The following WFDC8 variants were observed in gnomAD, a reference collection of about 807,000 sequenced individuals.
WFDC8 encodes the protein WAP four-disulfide core domain 8, also known as WAP four-disulfide core domain protein 8.
In WFDC8, 24 loss-of-function variants were observed where a neutral mutation model predicts 27.0. The ratio of observed to expected loss-of-function variants is 0.89; its 90% CI spans 0.64 to 1.25. The LOEUF (loss-of-function observed/expected upper bound fraction) is 1.25. Ranked by LOEUF, WFDC8 falls within the 50% of genes most tolerant of loss-of-function variation. The pLI is 0.00. For synonymous variants in WFDC8, 106 were observed against 99.7 expected (o/e 1.06, Z -0.38); for missense variants, 287 against 295.9 (o/e 0.97, Z 0.22).
chr20:45,566,468 C>T (rs1980680880), intron 1 of WFDC8, among the ~76,000 whole-genome samples: 2 of 152,114 alleles, frequency 1.3e-5, no homozygotes. Flanking sequence ...TCAAGACCAG[C>T]TTACCCAACA....
At chr20:45,578,927 T>G (rs1018084707) in intron 1 of WFDC8, among the ~76,000 whole-genome samples, 3 of 152,090 alleles carry the variant, frequency 2.0e-5, no homozygotes, top group Non-Finnish European at 4.4e-5. Context: ...GCCAACATGG[T>G]GAAACCCCGT....
chr20:45,561,272 G>A (rs543097584), intron 2 of WFDC8, among the ~76,000 whole-genome samples: 13 of 152,026 alleles, frequency 8.6e-5, no homozygotes, highest in East Asian at 5.8e-4. Context: ...TCGTTCCCAC[G>A]ATCCCAACTA....
In WFDC8 at chr20:45,552,152, G is replaced by A. The variant is rs1310586080; in HGVS notation, c.600C>T (p.Phe200=). The A allele has an allele frequency of 3.1e-6, 5 of 1,613,814 alleles. No individual in the cohort carries two copies. The highest frequency in any genetic ancestry group is 3.4e-6 in the Non-Finnish European group (4 of 1,179,882). Residue 200 remains phenylalanine (F), a synonymous_variant, in exon 6 of 6, where the codon TTC becomes TTT. Coordinates refer to ENST00000289953, the MANE Select transcript of WFDC8 (RefSeq NM_130896.3). ...CARAWTVKKG[F]CPRKPLLCTK... is the part of the protein sequence containing the mutation. The stretch of plus-strand genomic sequence containing the variant: ...TACATAGCAAGGGCTTGCGTGGGCA[G>A]AAACCTTTTTTGACTTTATGGGGTA...
chr20:45,566,673 A>T (rs1298758790), intron 1 of WFDC8, among the ~76,000 whole-genome samples: 2 of 152,190 alleles, frequency 1.3e-5, no homozygotes, highest in Admixed American at 6.5e-5. Context: ...AAAAACAAAA[A>T]ACAAAAAATA....
chr20:45,559,104 T>G, intron 2 of WFDC8, 112 bp from the exon 3 acceptor site: 1 of 1,364,064 alleles, frequency 7.3e-7, no homozygotes, highest in Non-Finnish European at 1.0e-6. Context: ...CCTTCGATTC[T>G]TAGTTCTTGC....
intron 5 of WFDC8, among the ~76,000 whole-genome samples, chr20:45,552,535 C>A (rs1477404307): frequency 6.6e-6 from 1 of 152,142 alleles, no homozygotes; most frequent in East Asian, 1.9e-4. Context: ...AAATGAGTTG[C>A]CCAATGCCAC....
intron 1 of WFDC8, among the ~76,000 whole-genome samples, chr20:45,578,054 A>G (rs1257344038): frequency 1.3e-5 from 2 of 151,006 alleles, no homozygotes; most frequent in African/African-American, 4.8e-5. Flanking sequence ...TAAATAAAGT[A>G]TGTAGAGTTT....
chr20:45,575,160 G>A (rs901812875), intron 1 of WFDC8, among the ~76,000 whole-genome samples: 3 of 152,152 alleles, frequency 2.0e-5, no homozygotes, highest in Non-Finnish European at 4.4e-5. Context: ...AGTACTGAAA[G>A]TCCTGGCCAG....
intron 1 of WFDC8, among the ~76,000 whole-genome samples, chr20:45,574,281 T>C (rs1209360156): frequency 6.6e-6 from 1 of 152,126 alleles, no homozygotes; most frequent in African/African-American, 2.4e-5. Context: ...ACCAAACATT[T>C]AAAGAACTAA....
In WFDC8 at chr20:45,553,142, A is replaced by G. The variant is rs1430642341; in HGVS notation, c.580T>C (p.Trp194Arg). 1 of 1,612,380 alleles carries G rather than the reference A, an allele frequency of 6.2e-7. No homozygotes were observed. Among genetic ancestry groups the G allele is most frequent in the Non-Finnish European group, 8.5e-7 (1 of 1,179,334 alleles). ...SRCGFVCARA[W>R]TVKKGFCPRK... The stretch of plus-strand genomic sequence containing the variant: ...GTATATCCCCAATCCTTACCTGTCC[A>G]GGCCCTGGCACAAACAAAGCCACAC... Residue 194 changes from tryptophan to arginine, a missense_variant, in exon 5 of 6, where the codon TGG becomes CGG. Coordinates refer to ENST00000289953, the MANE Select transcript of WFDC8 (RefSeq NM_130896.3).
chr20:45,565,014 GAGAA>G (rs371516760), intron 1 of WFDC8, among the ~76,000 whole-genome samples: 93 of 88,068 alleles, frequency 1.1e-3, no homozygotes, highest in African/African-American at 2.1e-3. Context: ...AAGAAAGAAA[GAGAA>G]AGAAAGGAAG....
intron 4 of WFDC8, 37 bp from the exon 5 acceptor site, chr20:45,553,313 A>G: frequency 2.5e-6 from 4 of 1,587,574 alleles, no homozygotes; most frequent in Non-Finnish European, 3.4e-6. Flanking sequence ...TTAAAACCCC[A>G]CCCCCATCCC....
chr20:45,564,584 C>G (rs57700915), intron 1 of WFDC8, among the ~76,000 whole-genome samples: 58,143 of 150,920 alleles, frequency 0.39, 11,613 homozygotes, highest in Non-Finnish European at 0.43. Flanking sequence ...TGAGGCAGGA[C>G]AATGGCGTGA....
intron 2 of WFDC8, chr20:45,559,966 T>TTG (rs1568637584): frequency 2.0e-5 from 3 of 151,646 alleles, no homozygotes; most frequent in African/African-American, 7.3e-5. Context: ...TCCCATCTTC[T>TTG]GATTATTGAA....
In WFDC8 at chr20:45,552,189, T is replaced by C. The variant is rs559653736; in HGVS notation, c.587-24A>G. On this transcript the variant is annotated intron_variant, in intron 5 of 5. Coordinates refer to ENST00000289953, the MANE Select transcript of WFDC8 (RefSeq NM_130896.3). ...GACTTTATGGGGTAAAAGAAAACACTTGACCTTGAAATACTTGGTCATAAT... is the reference window on the plus strand; with the variant it reads ...GACTTTATGGGGTAAAAGAAAACACCTGACCTTGAAATACTTGGTCATAAT... 5.6e-6 allele frequency: 9 copies of C among 1,609,166 alleles called. No homozygotes were observed. The Admixed American group carries it at 6.8e-5, about 12-fold the overall frequency.
chr20:45,571,784 T>C (rs1289899874), intron 1 of WFDC8, among the ~76,000 whole-genome samples: 1 of 152,228 alleles, frequency 6.6e-6, no homozygotes, highest in South Asian at 2.1e-4. Context: ...TTCATCTTCA[T>C]CCATGTTATT....
At chr20:45,575,608 T>C (rs1981017352) in intron 1 of WFDC8, among the ~76,000 whole-genome samples, 1 of 151,306 alleles carries the variant, frequency 6.6e-6, no homozygotes, top group Non-Finnish European at 1.5e-5. Context: ...AGAACCTATC[T>C]TTTTGCCCAG....
At chr20:45,577,003 T>C (rs936914354) in intron 1 of WFDC8, among the ~76,000 whole-genome samples, 2 of 151,390 alleles carry the variant, frequency 1.3e-5, no homozygotes, top group African/African-American at 4.8e-5. Flanking sequence ...AATTTATTTA[T>C]TACCCAAAAA....
At chr20:45,572,396 CA>C (rs768958375) in intron 1 of WFDC8, among the ~76,000 whole-genome samples, 4,319 of 49,404 alleles carry the variant, frequency 0.087, 68 homozygotes, top group East Asian at 0.25. Flanking sequence ...GAATCCATCT[CA>C]AAAAAAAAAA....
Sources: allele counts gnomAD v4.1 joint callset (sites outside exome capture counted in the v4.1 genomes callset), GRCh38; gene constraint gnomAD v4.1.1; transcripts MANE v1.5; gene names NCBI Gene and HGNC (gene_info 2026-07-23, HGNC 2026-07-21).